CTNNA2: variants seen among roughly 807,000 people sequenced by gnomAD.
The protein encoded by CTNNA2 is catenin alpha 2.
In CTNNA2, 42 loss-of-function variants were observed where a neutral mutation model predicts 101.0. That is an observed-to-expected ratio of 0.42 (90% confidence interval 0.32 to 0.54). The LOEUF is 0.54. Among genes scored for constraint, CTNNA2 ranks in the 20% least tolerant of loss-of-function variants. CTNNA2 has a pLI of 0.14. For missense variants in CTNNA2, 871 were observed against 1,223.1 expected (o/e 0.71, Z 4.29); for synonymous variants, 450 against 456.4 (o/e 0.99, Z 0.18).
intron 7 of CTNNA2, among the ~76,000 whole-genome samples, chr2:79,958,856 G>C (rs1191072145): frequency 2.0e-5 from 3 of 151,772 alleles, no homozygotes; most frequent in Non-Finnish European, 4.4e-5. Flanking sequence ...TTATTTATTG[G>C]ATTAAGTGTC....
At chr2:79,227,297 G>C (rs956170640) in intron 2 of CTNNA2, among the ~76,000 whole-genome samples, 1 of 152,182 alleles carries the variant, frequency 6.6e-6, no homozygotes, top group African/African-American at 2.4e-5. Flanking sequence ...GGTAGGACTA[G>C]AAGGCAGAAG....
At chr2:80,563,799 T>C (rs1483610137) in intron 12 of CTNNA2, among the ~76,000 whole-genome samples, 2 of 152,186 alleles carry the variant, frequency 1.3e-5, no homozygotes, top group Non-Finnish European at 2.9e-5. Flanking sequence ...GTTACTCTTA[T>C]TATCTGTGTT....
chr2:79,213,533 T>A (rs918676046), intron 2 of CTNNA2, among the ~76,000 whole-genome samples: 16 of 152,168 alleles, frequency 1.1e-4, no homozygotes, highest in Admixed American at 9.8e-4. Flanking sequence ...ATGTGGAAGA[T>A]ACTATAGCAT....
intron 3 of CTNNA2, among the ~76,000 whole-genome samples, chr2:79,851,876 G>A (rs1680746514): frequency 6.6e-6 from 1 of 151,122 alleles, no homozygotes; most frequent in Non-Finnish European, 1.5e-5. Flanking sequence ...TGAGTAGCTG[G>A]GATTACAGGT....
chr2:80,084,854 G>GA (rs1405879034), intron 7 of CTNNA2, among the ~76,000 whole-genome samples: 4 of 151,836 alleles, frequency 2.6e-5, no homozygotes, highest in Admixed American at 6.6e-5. Context: ...GAATGAAGAT[G>GA]AAAAAAAATT....
intron 7 of CTNNA2, among the ~76,000 whole-genome samples, chr2:79,954,761 A>G (rs962292345): frequency 6.6e-6 from 1 of 152,214 alleles, no homozygotes; most frequent in Non-Finnish European, 1.5e-5. Context: ...TGCAAAGTAT[A>G]TGCCAGGTTT....
At chr2:80,524,333 AGTGG>A (rs1208813576) in intron 9 of CTNNA2, among the ~76,000 whole-genome samples, 1 of 152,140 alleles carries the variant, frequency 6.6e-6, no homozygotes, top group Non-Finnish European at 1.5e-5. Context: ...AATATATAAT[AGTGG>A]GTGTACGCTT....
intron 7 of CTNNA2, among the ~76,000 whole-genome samples, chr2:79,963,613 C>T (rs1023656763): frequency 6.6e-6 from 1 of 152,160 alleles, no homozygotes; most frequent in African/African-American, 2.4e-5. Context: ...CTGGGCAGAG[C>T]TGCTTTGCTG....
intron 4 of CTNNA2, among the ~76,000 whole-genome samples, chr2:79,863,724 C>T (rs190154187): frequency 1.1e-4 from 17 of 152,256 alleles, no homozygotes; most frequent in African/African-American, 3.8e-4. Context: ...TGGCATAGGG[C>T]ACTCTAGGGA....
At chr2:80,534,977 A>T in intron 9 of CTNNA2, among the ~76,000 whole-genome samples, 1 of 152,246 alleles carries the variant, frequency 6.6e-6, no homozygotes, top group East Asian at 1.9e-4. Context: ...ATCTTATTCA[A>T]TAATTAAAAA....
chr2:80,358,889 AC>A (rs766391022), intron 7 of CTNNA2, among the ~76,000 whole-genome samples: 27 of 152,124 alleles, frequency 1.8e-4, no homozygotes, highest in Non-Finnish European at 2.9e-4. Flanking sequence ...TTAAAAAAAA[AC>A]ATGAAGAGGT....
intron 7 of CTNNA2, 55 bp downstream of exon 7, chr2:79,909,852 G>A: frequency 1.3e-6 from 2 of 1,508,282 alleles, no homozygotes; most frequent in Non-Finnish European, 9.0e-7. Context: ...CTGCAATCGT[G>A]TTGCTCTTTT....
intron 9 of CTNNA2, among the ~76,000 whole-genome samples, chr2:80,472,143 A>G (rs569582937): frequency 6.6e-6 from 1 of 151,810 alleles, no homozygotes; most frequent in South Asian, 2.1e-4. Context: ...GTTAGAAAAT[A>G]TGCAGAACTA....
rs778536492 is a variant in CTNNA2, at chr2:79,428,104, G to A, written c.-135+54091G>A. 4.0e-5 allele frequency among the ~76,000 whole-genome samples: 6 copies of A among 151,566 alleles called. No individual in the cohort carries two copies. In the South Asian group the frequency reaches 1.2e-3, roughly 32 times the overall value. On this transcript the variant is annotated intron_variant, in intron 4 of 21. Transcript: ENST00000466387. ...TAATATATAAGGTTTCCTTAAGGCAGATCTTTTTATTCTGTCTTCAAAACA... is the reference window on the plus strand; with the variant it reads ...TAATATATAAGGTTTCCTTAAGGCAAATCTTTTTATTCTGTCTTCAAAACA...
chr2:79,790,455 A>G (rs1675184661), intron 3 of CTNNA2, among the ~76,000 whole-genome samples: 1 of 152,170 alleles, frequency 6.6e-6, no homozygotes, highest in Non-Finnish European at 1.5e-5. Context: ...AAAATGCCAA[A>G]AAGAGTAGGT....
intron 7 of CTNNA2, among the ~76,000 whole-genome samples, chr2:80,106,825 A>G (rs1700917734): frequency 6.6e-6 from 1 of 151,960 alleles, no homozygotes; most frequent in Non-Finnish European, 1.5e-5. Context: ...CAGGATATTC[A>G]CTGTCAGGTT....
At chr2:80,082,865 G>T (rs1373712730) in intron 7 of CTNNA2, among the ~76,000 whole-genome samples, 1 of 152,036 alleles carries the variant, frequency 6.6e-6, no homozygotes, top group African/African-American at 2.4e-5. Flanking sequence ...ATCATTTACA[G>T]CACATTTGCA....
At chr2:79,917,891 G>A (rs1316108583) in intron 7 of CTNNA2, among the ~76,000 whole-genome samples, 2 of 152,142 alleles carry the variant, frequency 1.3e-5, no homozygotes, top group Non-Finnish European at 2.9e-5. Context: ...AGGAGATCTA[G>A]ACTGGCATGA....
chr2:79,656,116 T>G (rs1489424678), intron 2 of CTNNA2, among the ~76,000 whole-genome samples: 4 of 152,154 alleles, frequency 2.6e-5, no homozygotes, highest in Non-Finnish European at 4.4e-5. Flanking sequence ...AATATGTGAA[T>G]TTTAAGATGG....
Sources: gnomAD v4.1 joint callset for allele counts (sites outside exome capture counted in the v4.1 genomes callset) on GRCh38, gnomAD v4.1.1 for gene constraint, MANE v1.5 for transcripts, NCBI Gene and HGNC (gene_info 2026-07-23, HGNC 2026-07-21) for gene names.